PARN: variants seen among roughly 807,000 people sequenced by gnomAD.
PARN encodes poly(A)-specific ribonuclease PARN.
A neutral mutation model predicts 102.8 loss-of-function variants in PARN; 71 were observed. The observed-to-expected ratio is 0.69, with a 90% CI of 0.57 to 0.84. The LOEUF (loss-of-function observed/expected upper bound fraction) is 0.84, where lower values mean the gene tolerates loss of function less well. Among genes scored for constraint, PARN ranks in the 40% least tolerant of loss-of-function variants. The pLI is 0.00. For missense variants in PARN, 782 were observed against 760.9 expected (o/e 1.03, Z -0.33); for synonymous variants, 261 against 252.9 (o/e 1.03, Z -0.30).
At chr16:14,443,928 G>T (rs754488315) in intron 23 of PARN, among the ~76,000 whole-genome samples, 1 of 152,260 alleles carries the variant, frequency 6.6e-6, no homozygotes, top group African/African-American at 2.4e-5. Flanking sequence ...TTGTCGCGCC[G>T]TGCCTAGCAC....
intron 22 of PARN, among the ~76,000 whole-genome samples, chr16:14,480,940 A>T (rs189949382): frequency 5.4e-5 from 8 of 149,088 alleles, no homozygotes; most frequent in Admixed American, 1.3e-4. Context: ...CCTGCCTCAA[A>T]AAATAAATAA....
chr16:14,447,440 G>A (rs1446183041), intron 22 of PARN, among the ~76,000 whole-genome samples: 2 of 152,102 alleles, frequency 1.3e-5, no homozygotes, highest in Non-Finnish European at 2.9e-5. Context: ...TAATAGTTTT[G>A]GTTACATTAA....
Position 14,547,499 on chromosome 16 carries a change from A to AGAGAGGACG in PARN, c.1480+4521_1480+4522insCGTCCTCTC, listed in dbSNP as rs1162846816. 2.2e-3 allele frequency among the ~76,000 whole-genome samples: 337 copies of AGAGAGGACG among 152,136 alleles called. 1 individual carries two copies. Among genetic ancestry groups the AGAGAGGACG allele is most frequent in the African/African-American group, 7.3e-3 (304 of 41,524 alleles). Reference sequence around the variant, plus strand: ...GGAGAGAGGACGGCTTGAGGCCAAGAGTTCAAGACCAGCCGAGCAACATGG... The same window carrying AGAGAGGACG: ...GGAGAGAGGACGGCTTGAGGCCAAGAGAGAGGACGGTTCAAGACCAGCCGAGCAACATGG... On this transcript the variant is annotated intron_variant, in intron 21 of 23. Transcript: ENST00000437198.
intron 5 of PARN, among the ~76,000 whole-genome samples, chr16:14,624,681 G>C (rs932757669): frequency 6.6e-6 from 1 of 152,244 alleles, no homozygotes; most frequent in Non-Finnish European, 1.5e-5. Flanking sequence ...CACTTTGGGA[G>C]GCCAAAGTGG....
At chr16:14,482,932 G>T (rs1369819974) in intron 21 of PARN, 105 bp from the exon 22 acceptor site, 2 of 898,734 alleles carry the variant, frequency 2.2e-6, no homozygotes, top group Non-Finnish European at 3.3e-6. Flanking sequence ...AGCCCCATCA[G>T]GCCTGAGGTC....
chr16:14,478,347 A>C (rs1426605161), intron 22 of PARN, among the ~76,000 whole-genome samples: 1 of 152,162 alleles, frequency 6.6e-6, no homozygotes, highest in Non-Finnish European at 1.5e-5. Flanking sequence ...GACAAAACCC[A>C]TAAGACAAGT....
At chr16:14,556,557 G>A (rs1162308060) in intron 18 of PARN, among the ~76,000 whole-genome samples, 1 of 152,058 alleles carries the variant, frequency 6.6e-6, no homozygotes, top group Non-Finnish European at 1.5e-5. Context: ...GCAACAAACT[G>A]GCATCCTCAA....
chr16:14,603,241 T>G (rs1027773001), intron 11 of PARN, among the ~76,000 whole-genome samples: 7 of 152,250 alleles, frequency 4.6e-5, no homozygotes, highest in Admixed American at 4.6e-4. Flanking sequence ...AACTGGCACC[T>G]TTTGTTTCTG....
At chr16:14,443,339 ACTT>A (rs1305068004) in intron 23 of PARN, among the ~76,000 whole-genome samples, 2 of 144,846 alleles carry the variant, frequency 1.4e-5, no homozygotes, top group Non-Finnish European at 3.0e-5. Context: ...TAAAGAGATT[ACTT>A]TTTTTTTTTT....
intron 21 of PARN, among the ~76,000 whole-genome samples, chr16:14,494,359 C>T (rs1477521254): frequency 1.3e-5 from 2 of 152,200 alleles, no homozygotes; most frequent in Non-Finnish European, 2.9e-5. Context: ...CAGACCATCA[C>T]CCACGGGCTG....
intron 21 of PARN, among the ~76,000 whole-genome samples, chr16:14,524,534 G>A (rs914637300): frequency 2.6e-4 from 39 of 152,266 alleles, no homozygotes; most frequent in African/African-American, 7.5e-4. Flanking sequence ...CATTCGAAGT[G>A]GGGAAAGACA....
intron 16 of PARN, 79 bp downstream of exon 16, chr16:14,584,268 G>A: frequency 1.0e-6 from 1 of 982,854 alleles, no homozygotes; most frequent in Middle Eastern, 2.1e-4. Context: ...GGTCTCCAGA[G>A]CCATTCTGCT....
chr16:14,629,713 T>A (rs753307637), intron 1 of PARN, 39 bp from the exon 2 acceptor site: 5 of 1,454,752 alleles, frequency 3.4e-6, no homozygotes, highest in Non-Finnish European at 4.8e-6. Flanking sequence ...ACCAGTGGCC[T>A]GAATTCCTGC....
intron 21 of PARN, among the ~76,000 whole-genome samples, chr16:14,536,314 C>T (rs747507778): frequency 6.6e-5 from 10 of 152,160 alleles, no homozygotes; most frequent in Admixed American, 2.6e-4. Context: ...CATGTAAAGA[C>T]TAGCACAGCT....
At chr16:14,587,597 T>C (rs1373720283) in intron 13 of PARN, among the ~76,000 whole-genome samples, 1 of 152,188 alleles carries the variant, frequency 6.6e-6, no homozygotes, top group Non-Finnish European at 1.5e-5. Flanking sequence ...GCCTCTCAAG[T>C]AGCAGGCACT....
At chr16:14,600,352 T>C (rs1308079888) in intron 11 of PARN, among the ~76,000 whole-genome samples, 1 of 152,192 alleles carries the variant, frequency 6.6e-6, no homozygotes, top group Non-Finnish European at 1.5e-5. Context: ...GGCAGTTAAC[T>C]GATCAAATCA....
At chr16:14,515,302 G>T (rs142552184) in intron 21 of PARN, among the ~76,000 whole-genome samples, 1 of 152,086 alleles carries the variant, frequency 6.6e-6, no homozygotes, top group East Asian at 1.9e-4. Context: ...CAGATGTCCC[G>T]AATATAAACA....
chr16:14,496,087 C>T (rs1964300343), intron 21 of PARN, among the ~76,000 whole-genome samples: 1 of 152,186 alleles, frequency 6.6e-6, no homozygotes, highest in South Asian at 2.1e-4. Flanking sequence ...AACCACCCCA[C>T]AAAGTGGGTA....
At chr16:14,550,035 C>T (rs1596643458) in intron 21 of PARN, among the ~76,000 whole-genome samples, 1 of 152,236 alleles carries the variant, frequency 6.6e-6, no homozygotes, top group African/African-American at 2.4e-5. Flanking sequence ...GTGTGGCTAG[C>T]AAAGGAGCTG....
Sources: allele counts gnomAD v4.1 joint callset (sites outside exome capture counted in the v4.1 genomes callset), GRCh38; gene constraint gnomAD v4.1.1; transcripts MANE v1.5; gene names NCBI Gene and HGNC (gene_info 2026-07-23, HGNC 2026-07-21).